The following NR6A1 variants were observed in gnomAD, a reference collection of about 807,000 sequenced individuals.
The protein encoded by NR6A1 is retinoic acid receptor-related testis-associated receptor.
In NR6A1, 7 loss-of-function variants were observed where a neutral mutation model predicts 59.1. The observed-to-expected ratio is 0.12, with a 90% CI of 0.07 to 0.22. The LOEUF (loss-of-function observed/expected upper bound fraction) is 0.22, where lower values mean the gene tolerates loss of function less well. NR6A1 is among the 10% of genes least tolerant of loss of function. The pLI is 1.00. For missense variants in NR6A1, 468 were observed against 611.6 expected (o/e 0.77, Z 2.48); for synonymous variants, 243 against 236.1 (o/e 1.03, Z -0.27).
At chr9:124,590,357 C>A (rs932750870) in intron 2 of NR6A1, among the ~76,000 whole-genome samples, 7 of 150,978 alleles carry the variant, frequency 4.6e-5, no homozygotes, top group Admixed American at 3.3e-4. Flanking sequence ...AAAAAAAAAA[C>A]CCAAAAAGCA....
At chr9:124,573,396 TTAAG>T (rs1362418137) in intron 2 of NR6A1, among the ~76,000 whole-genome samples, 2 of 152,218 alleles carry the variant, frequency 1.3e-5, no homozygotes, top group East Asian at 3.8e-4. Context: ...TGGACTATTA[TTAAG>T]TTCTTCCTTA....
In NR6A1 at chr9:124,540,201, T is replaced by C; in HGVS notation, c.442-14A>G. 1 of 1,611,168 alleles carries C rather than the reference T, an allele frequency of 6.2e-7. No homozygotes were observed. Among genetic ancestry groups the C allele is most frequent in the Non-Finnish European group, 8.5e-7 (1 of 1,178,696 alleles). On this transcript the variant is annotated splice_polypyrimidine_tract_variant and intron_variant, in intron 4 of 9. Coordinates refer to ENST00000487099, the MANE Select transcript of NR6A1 (RefSeq NM_033334.4). Reference sequence around the variant, plus strand: ...TTCTTCCGATATCTTTGACAAGGAATTGAGACATGTTAGATGGGTGCTCAG... The same window carrying C: ...TTCTTCCGATATCTTTGACAAGGAACTGAGACATGTTAGATGGGTGCTCAG...
In NR6A1 at chr9:124,554,573, G is replaced by GA; in HGVS notation, c.143-4dup. On this transcript the variant is annotated splice_polypyrimidine_tract_variant and splice_region_variant and intron_variant, in intron 2 of 9. Transcript: ENST00000487099. ...AGCCCGATCATCTGAAACAGAAACTGATCATGTTCAAGTTAGAACACAGTG... is the reference window on the plus strand; with the variant it reads ...AGCCCGATCATCTGAAACAGAAACTGAATCATGTTCAAGTTAGAACACAGTG... 1 of 1,614,134 alleles carries GA rather than the reference G, an allele frequency of 6.2e-7. No homozygotes were observed. Among genetic ancestry groups the GA allele is most frequent in the Non-Finnish European group, 8.5e-7 (1 of 1,180,020 alleles).
At chr9:124,753,271 A>T (rs1201299397) in intron 1 of NR6A1, among the ~76,000 whole-genome samples, 1 of 152,230 alleles carries the variant, frequency 6.6e-6, no homozygotes, top group African/African-American at 2.4e-5. Flanking sequence ...AGGCCTGGTC[A>T]GAGACCTTGG....
rs1169377517 is a variant in NR6A1 at position 124,521,080 on chromosome 9, G to A, written c.*1625C>T. The A allele has an allele frequency of 6.6e-6, 1 of 152,258 alleles. No individual in the cohort carries two copies. Among genetic ancestry groups the A allele is most frequent in the Admixed American group, 6.5e-5 (1 of 15,286 alleles). 9.4% of individuals were successfully genotyped at this position (152,258 alleles called of 1,614,324 possible). The stretch of plus-strand genomic sequence containing the variant: ...ACAGCAAACAGCCTTTGACTAAATA[G>A]GCAGAAGAAGGTGCCGTGGGCCCTT... On this transcript the variant is annotated 3_prime_UTR_variant, in exon 10 of 10. Transcript: ENST00000487099.
rs1326551977 is a variant in NR6A1, at chr9:124,771,273, G to A, written c.-154C>T. On this transcript the variant is annotated 5_prime_UTR_variant, in exon 1 of 10. Coordinates refer to ENST00000487099, the MANE Select transcript of NR6A1 (RefSeq NM_033334.4). ...TGGGCCCCGAGCCGCCCGGCTCCGC[G>A]CCGCTCCGCGCCCCTCCGCGCCGCG... The A allele has an allele frequency of 5.0e-5, 20 of 401,156 alleles. No homozygotes were observed. The highest frequency in any genetic ancestry group is 1.2e-4 in the African/African-American group (6 of 48,272). 24.8% of individuals were successfully genotyped at this position (401,156 alleles called of 1,614,324 possible).
At chr9:124,623,509 G>A (rs998011561) in intron 2 of NR6A1, among the ~76,000 whole-genome samples, 3 of 151,078 alleles carry the variant, frequency 2.0e-5, no homozygotes, top group Non-Finnish European at 4.4e-5. Context: ...ACAGGCATGA[G>A]CTACCATGCC....
chr9:124,771,232 C>A lies in NR6A1; in HGVS notation c.-113G>T, dbSNP rs1588872021. On this transcript the variant is annotated 5_prime_UTR_variant, in exon 1 of 10. Transcript: ENST00000487099. Reference sequence around the variant, plus strand: ...AGGTTGTCAGGAGCCCGCGAGCTCCCGGCCGCGGCTCTCTCTGGGCCCCGA... The same window carrying A: ...AGGTTGTCAGGAGCCCGCGAGCTCCAGGCCGCGGCTCTCTCTGGGCCCCGA... 3 of 536,516 alleles carry A rather than the reference C, an allele frequency of 5.6e-6. No individual in the cohort carries two copies. The highest frequency in any genetic ancestry group is 8.5e-6 in the Non-Finnish European group (3 of 354,330). The allele number at this position is 536,516 out of a possible 1,614,324, so 33.2% of individuals were successfully genotyped here.
At chr9:124,546,878 C>A (rs1213589750) in intron 3 of NR6A1, among the ~76,000 whole-genome samples, 1 of 152,196 alleles carries the variant, frequency 6.6e-6, no homozygotes, top group Admixed American at 6.5e-5. Flanking sequence ...GTGTATTATT[C>A]TCCCACGCAT....
chr9:124,695,985 G>T (rs541603080), intron 2 of NR6A1, among the ~76,000 whole-genome samples: 1 of 152,244 alleles, frequency 6.6e-6, no homozygotes, highest in East Asian at 1.9e-4. Context: ...AGACAATTAT[G>T]TAAGTTAAAG....
chr9:124,599,020 C>A, intron 2 of NR6A1: 1 of 742,764 alleles, frequency 1.3e-6, no homozygotes, highest in Non-Finnish European at 2.5e-6. Flanking sequence ...GGGTCTTGTC[C>A]CTCCTCATGA....
chr9:124,550,294 T>C (rs1833733466), intron 3 of NR6A1, among the ~76,000 whole-genome samples: 3 of 152,218 alleles, frequency 2.0e-5, no homozygotes, highest in Admixed American at 2.0e-4. Context: ...ATTCTGTTTC[T>C]GTTGACACTG....
At chr9:124,522,868 G>A in intron 9 of NR6A1, 75 bp from the exon 10 acceptor site, 1 of 1,184,908 alleles carries the variant, frequency 8.4e-7, no homozygotes, top group Non-Finnish European at 1.2e-6. Context: ...CCTTGGGCTG[G>A]TGGAGGCAGA....
At chr9:124,622,303 C>G (rs969488441) in intron 2 of NR6A1, among the ~76,000 whole-genome samples, 1 of 152,238 alleles carries the variant, frequency 6.6e-6, no homozygotes. Context: ...AGAATTGGTT[C>G]TGTGTGTAAT....
chr9:124,733,497 T>C, intron 1 of NR6A1, 148 bp from the exon 2 acceptor site: 2 of 648,324 alleles, frequency 3.1e-6, no homozygotes, highest in Non-Finnish European at 2.8e-6. Flanking sequence ...AGCTACTACA[T>C]ATCCCTCTGA....
At chr9:124,724,441 CCA>C (rs1839654368) in intron 2 of NR6A1, among the ~76,000 whole-genome samples, 1 of 148,966 alleles carries the variant, frequency 6.7e-6, no homozygotes, top group Non-Finnish European at 1.5e-5. Context: ...AAAAAAAAAA[CCA>C]CACAGCTAAA....
intron 2 of NR6A1, among the ~76,000 whole-genome samples, chr9:124,625,213 C>T (rs1051224863): frequency 6.6e-6 from 1 of 152,194 alleles, no homozygotes; most frequent in African/African-American, 2.4e-5. Flanking sequence ...CCGAATCTGT[C>T]TAGTTTTAGT....
At chr9:124,541,445 G>A (rs993121444) in intron 4 of NR6A1, among the ~76,000 whole-genome samples, 16 of 152,108 alleles carry the variant, frequency 1.1e-4, no homozygotes, top group Non-Finnish European at 1.9e-4. Flanking sequence ...CACCTGTTAT[G>A]TCTGTTGTAT....
intron 2 of NR6A1, among the ~76,000 whole-genome samples, chr9:124,610,282 C>A (rs1835701458): frequency 6.6e-6 from 1 of 152,154 alleles, no homozygotes; most frequent in East Asian, 1.9e-4. Context: ...TCCTTCAATG[C>A]CTAGTTTATT....
Sources: gnomAD v4.1 joint callset for allele counts (sites outside exome capture counted in the v4.1 genomes callset) on GRCh38, gnomAD v4.1.1 for gene constraint, MANE v1.5 for transcripts, NCBI Gene and HGNC (gene_info 2026-07-23, HGNC 2026-07-21) for gene names.